The following NBAS variants were observed in gnomAD, a reference collection of about 807,000 sequenced individuals.
The protein encoded by NBAS is NAG/BC035112 fusion.
In NBAS, 219 loss-of-function variants were observed where a neutral mutation model predicts 302.5. The ratio of observed to expected loss-of-function variants is 0.72; its 90% confidence interval spans 0.65 to 0.81. The LOEUF (loss-of-function observed/expected upper bound fraction) is 0.81. Among genes scored for constraint, NBAS ranks in the 30% least tolerant of loss-of-function variants. NBAS has a pLI of 0.00. For missense variants in NBAS, 2,932 were observed against 2,841.6 expected (o/e 1.03, Z -0.72); for synonymous variants, 1,118 against 1,021.6 (o/e 1.09, Z -1.80).
Position 15,242,610 on chromosome 2 carries a change from G to A in NBAS, c.5725-3924C>T, listed in dbSNP as rs565535788. Among the ~76,000 whole-genome samples the A allele has an allele frequency of 5.3e-5, 8 of 150,298 alleles. No homozygotes were observed. The South Asian group carries it at 1.7e-3, about 32-fold the overall frequency. ...CATAATGGAAGGAACAGAAGTAAAAGAAAGAAATGATTAAAAAAAAATGTA... is the reference window on the plus strand; with the variant it reads ...CATAATGGAAGGAACAGAAGTAAAAAAAAGAAATGATTAAAAAAAAATGTA... On this transcript the variant is annotated intron_variant, in intron 44 of 51. Coordinates refer to ENST00000281513, the MANE Select transcript of NBAS (RefSeq NM_015909.4).
chr2:14,930,071 C>A, the NBAS span, among the ~76,000 whole-genome samples: 970 of 152,314 alleles, frequency 6.4e-3, 9 homozygotes, highest in African/African-American at 0.022. Context: ...GGCCTCCCAG[C>A]CATTCTTCCT....
In NBAS at chr2:15,182,579, G is replaced by A. The variant is rs551990802; in HGVS notation, c.6712-3463C>T. Among the ~76,000 whole-genome samples, 8 of 152,294 alleles carry A rather than the reference G, an allele frequency of 5.3e-5. No homozygotes were observed. The East Asian group carries it at 7.7e-4, about 15-fold the overall frequency. The stretch of plus-strand genomic sequence containing the variant: ...AGCATCGGTGACTAACCCATGTTTC[G>A]TCTCAGCGAAATCCTGGACCTTCAG... On this transcript the variant is annotated intron_variant, in intron 50 of 51. Transcript: ENST00000281513.
chr2:14,974,042 A>G, the NBAS span, among the ~76,000 whole-genome samples: 29 of 152,220 alleles, frequency 1.9e-4, no homozygotes, highest in Non-Finnish European at 3.7e-4. Flanking sequence ...CCTCCAGGAG[A>G]AAAGGACAAT....
the NBAS span, among the ~76,000 whole-genome samples, chr2:14,848,101 C>T: frequency 6.6e-6 from 1 of 150,858 alleles, no homozygotes; most frequent in Non-Finnish European, 1.5e-5. Flanking sequence ...GGAACAGCTC[C>T]AGTCTACAGC....
the NBAS span, among the ~76,000 whole-genome samples, chr2:15,041,696 C>A: frequency 6.6e-6 from 1 of 152,228 alleles, no homozygotes; most frequent in African/African-American, 2.4e-5. Flanking sequence ...CAAACAGATA[C>A]TGAACAAGTG....
At chr2:14,957,811 C>A in the NBAS span, among the ~76,000 whole-genome samples, 1 of 152,228 alleles carries the variant, frequency 6.6e-6, no homozygotes, top group Non-Finnish European at 1.5e-5. Context: ...ACCTTCCCAG[C>A]TGCCATTTGC....
the NBAS span, among the ~76,000 whole-genome samples, chr2:14,863,764 G>A: frequency 7.9e-5 from 12 of 152,324 alleles, no homozygotes; most frequent in East Asian, 1.5e-3. Context: ...GTCAACATGA[G>A]AGATTTAAAC....
intron 38 of NBAS, among the ~76,000 whole-genome samples, chr2:15,319,304 A>G (rs1184417075): frequency 6.6e-6 from 1 of 152,140 alleles, no homozygotes; most frequent in African/African-American, 2.4e-5. Flanking sequence ...CAGGAAAGAT[A>G]TAAAATCGAC....
chr2:15,299,559 TA>T (rs1232271668), intron 40 of NBAS, among the ~76,000 whole-genome samples: 2 of 152,274 alleles, frequency 1.3e-5, no homozygotes, highest in East Asian at 1.9e-4. Flanking sequence ...ATTAGTAGCT[TA>T]AAAAAACGCA....
chr2:14,953,753 A>G, the NBAS span, among the ~76,000 whole-genome samples: 3 of 152,208 alleles, frequency 2.0e-5, no homozygotes, highest in Admixed American at 2.0e-4. Flanking sequence ...GACTCCCAGC[A>G]TGGATTGGGC....
chr2:14,867,274 C>A, the NBAS span, among the ~76,000 whole-genome samples: 713 of 152,238 alleles, frequency 4.7e-3, 7 homozygotes, highest in African/African-American at 0.016. Context: ...AAACATTTCT[C>A]AACAGCTTTG....
intron 44 of NBAS, among the ~76,000 whole-genome samples, chr2:15,275,002 C>T (rs1028784023): frequency 6.6e-6 from 1 of 150,918 alleles, no homozygotes; most frequent in Non-Finnish European, 1.5e-5. Context: ...AGGCTGGTCT[C>T]AAACTCCTGA....
the NBAS span, among the ~76,000 whole-genome samples, chr2:14,876,128 A>G: frequency 4.3e-4 from 65 of 152,262 alleles, no homozygotes; most frequent in African/African-American, 1.4e-3. Context: ...TAAAAATTGT[A>G]TTTATTGTTC....
the NBAS span, among the ~76,000 whole-genome samples, chr2:14,788,987 A>T: frequency 1.3e-5 from 2 of 152,220 alleles, no homozygotes; most frequent in Non-Finnish European, 2.9e-5. Context: ...GGCTCCACCC[A>T]GTTGGAGCTT....
chr2:15,553,344 C>G, intron 5 of NBAS, 82 bp downstream of exon 5: 1 of 1,233,380 alleles, frequency 8.1e-7, no homozygotes, highest in Non-Finnish European at 1.2e-6. Context: ...AATATATCCC[C>G]TATAAAAATC....
At chr2:15,125,917 A>G in the NBAS span, among the ~76,000 whole-genome samples, 1 of 152,316 alleles carries the variant, frequency 6.6e-6, no homozygotes, top group Admixed American at 6.5e-5. Context: ...GAGACTATTG[A>G]GAAGGGATGA....
chr2:15,029,431 G>T, the NBAS span, among the ~76,000 whole-genome samples: 11 of 152,294 alleles, frequency 7.2e-5, no homozygotes, highest in Non-Finnish European at 1.5e-4. Flanking sequence ...GATGAAGCTT[G>T]TTAGTAACAA....
At chr2:14,960,707 GA>G in the NBAS span, among the ~76,000 whole-genome samples, 2 of 151,964 alleles carry the variant, frequency 1.3e-5, no homozygotes, top group Admixed American at 6.5e-5. Flanking sequence ...CAGTTTTGAG[GA>G]AAAAAATAAG....
At chr2:14,920,490 T>C in the NBAS span, among the ~76,000 whole-genome samples, 1 of 152,214 alleles carries the variant, frequency 6.6e-6, no homozygotes, top group Non-Finnish European at 1.5e-5. Context: ...CTTTGAAGCT[T>C]TGAAACCAGG....
Sources: allele counts gnomAD v4.1 joint callset (sites outside exome capture counted in the v4.1 genomes callset), GRCh38; gene constraint gnomAD v4.1.1; transcripts MANE v1.5; gene names NCBI Gene and HGNC (gene_info 2026-07-23, HGNC 2026-07-21).